Variants in MARCHF1 observed in about 807,000 individuals in gnomAD.
MARCHF1 encodes the protein E3 ubiquitin-protein ligase MARCHF1.
In MARCHF1, 40 loss-of-function variants were observed where a neutral mutation model predicts 54.2. The ratio of observed to expected loss-of-function variants is 0.74; its 90% confidence interval spans 0.57 to 0.96. The LOEUF is 0.96. MARCHF1 is among the 40% of genes least tolerant of loss of function. The pLI is 0.00. For missense variants in MARCHF1, 586 were observed against 656.5 expected (o/e 0.89, Z 1.17); for synonymous variants, 236 against 236.3 (o/e 1.00, Z 0.01).
At chr4:164,233,069 C>A (rs1732457370) in intron 1 of MARCHF1, among the ~76,000 whole-genome samples, 1 of 152,122 alleles carries the variant, frequency 6.6e-6, no homozygotes, top group South Asian at 2.1e-4. Context: ...ATACAAGAGG[C>A]TTTTAAGCAT....
chr4:164,379,298 G>A (rs923998811), intron 1 of MARCHF1, among the ~76,000 whole-genome samples: 1 of 151,762 alleles, frequency 6.6e-6, no homozygotes, highest in South Asian at 2.1e-4. Context: ...CTGAAGAGAA[G>A]GTCAAAAGAA....
At chr4:163,742,404 TTCC>T (rs1231426616) in intron 4 of MARCHF1, among the ~76,000 whole-genome samples, 41 of 119,560 alleles carry the variant, frequency 3.4e-4, no homozygotes, top group Non-Finnish European at 6.4e-4. Context: ...CCTCCCTTCC[TTCC>T]TTCCTTCCTT....
intron 1 of MARCHF1, among the ~76,000 whole-genome samples, chr4:164,278,165 C>T (rs146600281): frequency 3.0e-3 from 459 of 152,190 alleles, no homozygotes; most frequent in Admixed American, 5.3e-3. Flanking sequence ...CAAAAATTAG[C>T]CAAGTTTGGT....
At chr4:163,681,006 AAC>A (rs1744085471) in intron 5 of MARCHF1, among the ~76,000 whole-genome samples, 1 of 149,484 alleles carries the variant, frequency 6.7e-6, no homozygotes, top group South Asian at 2.1e-4. Flanking sequence ...ATGTAATATT[AAC>A]ATATTTAATA....
chr4:163,911,999 T>A (rs938962870), intron 3 of MARCHF1, among the ~76,000 whole-genome samples: 6 of 151,948 alleles, frequency 3.9e-5, no homozygotes, highest in Admixed American at 3.9e-4. Flanking sequence ...ATTTCTTCTC[T>A]CAGAAGAAAA....
chr4:164,189,505 T>A (rs1731066899), intron 1 of MARCHF1: 4 of 744,810 alleles, frequency 5.4e-6, no homozygotes, highest in Admixed American at 2.0e-5. Flanking sequence ...GGTTAAAAAG[T>A]CCTTCAATGG....
intron 9 of MARCHF1, among the ~76,000 whole-genome samples, chr4:163,538,159 CAAAG>C (rs1300814068): frequency 1.3e-5 from 2 of 152,078 alleles, no homozygotes; most frequent in Non-Finnish European, 2.9e-5. Context: ...ACACTTTAGA[CAAAG>C]AAAAGCAGAT....
chr4:163,591,063 A>G (rs1046069050), intron 7 of MARCHF1, among the ~76,000 whole-genome samples: 21 of 151,092 alleles, frequency 1.4e-4, no homozygotes, highest in Non-Finnish European at 1.5e-4. Context: ...CAATTATTTC[A>G]TATGATTATT....
chr4:164,251,944 T>C (rs1423161722), intron 1 of MARCHF1, among the ~76,000 whole-genome samples: 2 of 151,250 alleles, frequency 1.3e-5, no homozygotes, highest in African/African-American at 2.5e-5. Flanking sequence ...TTTTATTTGA[T>C]TATTTAAGAA....
At chr4:164,006,190 T>A (rs1383378730) in intron 2 of MARCHF1, among the ~76,000 whole-genome samples, 1 of 152,128 alleles carries the variant, frequency 6.6e-6, no homozygotes, top group Non-Finnish European at 1.5e-5. Context: ...AATAGCAGAT[T>A]TAAGAAGACT....
chr4:163,636,121 A>G (rs1165496462), intron 5 of MARCHF1, among the ~76,000 whole-genome samples: 3 of 152,202 alleles, frequency 2.0e-5, no homozygotes, highest in Non-Finnish European at 4.4e-5. Context: ...ATCTATGACA[A>G]ACCCACAGCC....
At chr4:164,034,971 C>T (rs964219912) in intron 2 of MARCHF1, among the ~76,000 whole-genome samples, 1 of 152,002 alleles carries the variant, frequency 6.6e-6, no homozygotes, top group East Asian at 1.9e-4. Context: ...AACAAAAATC[C>T]GTGTTATAAA....
chr4:163,808,355 A>C (rs776472898), intron 4 of MARCHF1, among the ~76,000 whole-genome samples: 6 of 152,188 alleles, frequency 3.9e-5, no homozygotes, highest in Non-Finnish European at 7.3e-5. Flanking sequence ...AGTTTGGTGA[A>C]AGTTCTGCAG....
chr4:163,737,214 A>ATTTTT (rs200485998), intron 4 of MARCHF1, among the ~76,000 whole-genome samples: 1 of 43,608 alleles, frequency 2.3e-5, no homozygotes, highest in African/African-American at 7.1e-5. Context: ...ATTTTTTTTA[A>ATTTTT]TTTTTTTTTT....
intron 3 of MARCHF1, among the ~76,000 whole-genome samples, chr4:163,962,082 C>G (rs565205866): frequency 2.0e-5 from 3 of 151,896 alleles, no homozygotes; most frequent in African/African-American, 7.2e-5. Flanking sequence ...ACAGTTAACA[C>G]TAAATGAAAA....
intron 1 of MARCHF1, among the ~76,000 whole-genome samples, chr4:164,265,025 T>C (rs1439675649): frequency 2.0e-5 from 3 of 152,134 alleles, no homozygotes; most frequent in African/African-American, 2.4e-5. Context: ...GTATTCCTAA[T>C]TGTAATAGCT....
At chr4:164,259,810 T>C (rs766228690) in intron 1 of MARCHF1, among the ~76,000 whole-genome samples, 2 of 152,164 alleles carry the variant, frequency 1.3e-5, no homozygotes, top group African/African-American at 2.4e-5. Flanking sequence ...AGGCTTAAGA[T>C]AGCTCAGCTC....
At chr4:164,373,656 A>C (rs545842690) in intron 1 of MARCHF1, among the ~76,000 whole-genome samples, 58 of 152,150 alleles carry the variant, frequency 3.8e-4, no homozygotes, top group African/African-American at 1.4e-3. Context: ...TGCCCAGCCC[A>C]AAAACCACTT....
At chr4:163,748,011 A>T (rs1358205618) in intron 4 of MARCHF1, among the ~76,000 whole-genome samples, 1 of 152,238 alleles carries the variant, frequency 6.6e-6, no homozygotes, top group Non-Finnish European at 1.5e-5. Flanking sequence ...CACAACCTGT[A>T]GGTAATTAAC....
Sources: allele counts gnomAD v4.1 joint callset (sites outside exome capture counted in the v4.1 genomes callset), GRCh38; gene constraint gnomAD v4.1.1; transcripts MANE v1.5; gene names NCBI Gene and HGNC (gene_info 2026-07-23, HGNC 2026-07-21).